ZNF526: variants seen among roughly 807,000 people sequenced by gnomAD.
ZNF526 encodes the protein zinc finger protein 526.
Under a neutral mutation model 32.4 loss-of-function variants are expected in ZNF526, and 16 were observed. That is an observed-to-expected ratio of 0.49 (90% CI 0.33 to 0.75). The LOEUF is 0.75. Ranked by LOEUF, ZNF526 falls within the 30% of genes least tolerant of loss-of-function variation. The pLI is 0.02. For missense variants in ZNF526, 838 were observed against 920.7 expected (o/e 0.91, Z 1.16); for synonymous variants, 355 against 363.4 (o/e 0.98, Z 0.26).
rs530855223 is a variant in ZNF526, at chr19:42,226,252, C to G, written c.1849C>G (p.Pro617Ala). Residue 617 changes from proline to alanine, a missense_variant, in exon 3 of 3, where the codon CCA becomes GCA. Physicochemically the swap from Pro to Ala is conservative, Grantham distance 27. Transcript: ENST00000301215. Reference sequence around the variant, plus strand: ...ACCATCTCCTGCCCCACCCCCACCTCCAGAGCCTCAACAGACTATCATGTG... The same window carrying G: ...ACCATCTCCTGCCCCACCCCCACCTGCAGAGCCTCAACAGACTATCATGTG... ...RSPSPAPPPP[P>A]EPQQTIMCTE... The G allele has an allele frequency of 1.2e-6, 2 of 1,613,818 alleles. No individual in the cohort carries two copies. Among genetic ancestry groups the G allele is most frequent in the Admixed American group, 1.7e-5 (1 of 60,030 alleles).
chr19:42,220,791 A>C (rs1019621782), intron 1 of ZNF526, among the ~76,000 whole-genome samples: 1 of 152,204 alleles, frequency 6.6e-6, no homozygotes, highest in African/African-American at 2.4e-5. Context: ...GTAGACGAGG[A>C]AAGGGCAAAT....
rs1259158568 is a variant in ZNF526 at position 42,226,506 on chromosome 19, C to G, written c.*90C>G. ...AGAGGACCTCCTCTGACAAACTGGT[C>G]TGGTACCCACCATGTGCCAGGATCC... On this transcript the variant is annotated 3_prime_UTR_variant, in exon 3 of 3. Coordinates refer to ENST00000301215, the MANE Select transcript of ZNF526 (RefSeq NM_133444.3). 6.4e-7 allele frequency: 1 copy of G among 1,573,834 alleles called. No individual in the cohort carries two copies. The highest frequency in any genetic ancestry group is 1.3e-5 in the African/African-American group (1 of 74,176).
chr19:42,224,279 G>A lies in ZNF526; in HGVS notation c.-44G>A. ...CACGGAAGACTGAAGCAGAAACAGT[G>A]GATTAAGACTTCCTGAGCGATAGCT... On this transcript the variant is annotated 5_prime_UTR_variant, in exon 2 of 3. Coordinates refer to ENST00000301215, the MANE Select transcript of ZNF526 (RefSeq NM_133444.3). The A allele has an allele frequency of 1.2e-6, 1 of 819,238 alleles. No homozygotes were observed. Among genetic ancestry groups the A allele is most frequent in the South Asian group, 1.4e-5 (1 of 69,642 alleles). The allele number at this position is 819,238 out of a possible 1,614,324, so 50.7% of individuals were successfully genotyped here.
chr19:42,225,874 C>G lies in ZNF526; in HGVS notation c.1471C>G (p.Leu491Val), dbSNP rs766919247. Reference sequence around the variant, plus strand: ...GAAGCTGATCCACGTGCGCAACCACCTGCGGACACACACGGGTGAGAGGCC... The same window carrying G: ...GAAGCTGATCCACGTGCGCAACCACGTGCGGACACACACGGGTGAGAGGCC... ...FKKLIHVRNH[L>V]RTHTGERPFQ... The change falls in exon 3 of 3, where the codon CTG becomes GTG. Residue 491 changes from leucine to valine, a missense_variant. Physicochemically the swap from Leu to Val is conservative, Grantham distance 32. Transcript: ENST00000301215. The G allele has an allele frequency of 5.6e-6, 9 of 1,614,102 alleles. No homozygotes were observed. Among genetic ancestry groups the G allele is most frequent in the Non-Finnish European group, 7.6e-6 (9 of 1,180,056 alleles).
At position 42,226,314 on chromosome 19, in the gene ZNF526, A is replaced by G; in HGVS notation, c.1911A>G (p.Thr637=). 1 of 1,614,120 alleles carries G rather than the reference A, an allele frequency of 6.2e-7. No homozygotes were observed. The highest frequency in any genetic ancestry group is 8.5e-7 in the Non-Finnish European group (1 of 1,180,022). ...ELGETIAIIE[T]SQPLALEDTL... ...GGGAGACCATCGCCATCATTGAGACATCCCAGCCACTGGCGCTTGAGGACA... is the reference window on the plus strand; with the variant it reads ...GGGAGACCATCGCCATCATTGAGACGTCCCAGCCACTGGCGCTTGAGGACA... The change falls in exon 3 of 3, where the codon ACA becomes ACG. Residue 637 remains threonine, a synonymous_variant. Coordinates refer to ENST00000301215, the MANE Select transcript of ZNF526 (RefSeq NM_133444.3).
Position 42,225,780 on chromosome 19 carries a change from G to A in ZNF526, c.1377G>A (p.Arg459=). 6.2e-7 allele frequency: 1 copy of A among 1,613,162 alleles called. No homozygotes were observed. Among genetic ancestry groups the A allele is most frequent in the Non-Finnish European group, 8.5e-7 (1 of 1,179,902 alleles). The change falls in exon 3 of 3, where the codon CGG becomes CGA. Residue 459 remains arginine, a synonymous_variant. Coordinates refer to ENST00000301215, the MANE Select transcript of ZNF526 (RefSeq NM_133444.3). Reference sequence around the variant, plus strand: ...TTGCCTCAGCTTCCCGGCTGTCCCGGCACCGGCGTGCAGTACACGGGCCCC... The same window carrying A: ...TTGCCTCAGCTTCCCGGCTGTCCCGACACCGGCGTGCAGTACACGGGCCCC... The part of the protein sequence containing the change: ...KSFASASRLS[R]HRRAVHGPPE...
Position 42,225,576 on chromosome 19 carries a change from T to C in ZNF526, c.1173T>C (p.Arg391=). The C allele has an allele frequency of 6.2e-7, 1 of 1,608,830 alleles. No homozygotes were observed. The highest frequency in any genetic ancestry group is 8.5e-7 in the Non-Finnish European group (1 of 1,175,914). Residue 391 remains arginine, a synonymous_variant, in exon 3 of 3, where the codon CGT becomes CGC. Transcript: ENST00000301215. ...AHTANPLHRC[R]CGKTFSNMTK... Reference sequence around the variant, plus strand: ...CTGCCAACCCATTGCATCGCTGTCGTTGCGGCAAGACGTTCAGCAACATGA... The same window carrying C: ...CTGCCAACCCATTGCATCGCTGTCGCTGCGGCAAGACGTTCAGCAACATGA...
In ZNF526 at chr19:42,225,546, C is replaced by T; in HGVS notation, c.1143C>T (p.Ala381=). 2 of 1,611,178 alleles carry T rather than the reference C, an allele frequency of 1.2e-6. No homozygotes were observed. The highest frequency in any genetic ancestry group is 1.7e-6 in the Non-Finnish European group (2 of 1,177,708). ...TCACGTTGGTGGCTCACCGGCGGGC[C>T]CACACTGCCAACCCATTGCATCGCT... ...TELTLVAHRR[A]HTANPLHRCR... The change falls in exon 3 of 3, where the codon GCC becomes GCT. Residue 381 remains alanine, a synonymous_variant. Transcript: ENST00000301215.
Position 42,226,550 on chromosome 19 carries a change from C to A in ZNF526, c.*134C>A. ...AGGATCCACCCTGGCCTCTTTTTACCCACTGACTCCCCAGAACAACCCTTC... is the reference window on the plus strand; with the variant it reads ...AGGATCCACCCTGGCCTCTTTTTACACACTGACTCCCCAGAACAACCCTTC... On this transcript the variant is annotated 3_prime_UTR_variant, in exon 3 of 3. Coordinates refer to ENST00000301215, the MANE Select transcript of ZNF526 (RefSeq NM_133444.3). 2.6e-6 allele frequency: 3 copies of A among 1,172,506 alleles called. No individual in the cohort carries two copies. Among genetic ancestry groups the A allele is most frequent in the Non-Finnish European group, 3.8e-6 (3 of 796,560 alleles). The allele number at this position is 1,172,506 out of a possible 1,614,324, so 72.6% of individuals were successfully genotyped here. A position where few individuals can be genotyped will look rare whatever the true frequency, so the allele number is the denominator to read the frequency against.
Position 42,224,376 on chromosome 19 carries a change from T to G in ZNF526, c.-17-11T>G, listed in dbSNP as rs1462248528. The G allele has an allele frequency of 6.2e-7, 1 of 1,610,070 alleles. No homozygotes were observed. The highest frequency in any genetic ancestry group is 8.5e-7 in the Non-Finnish European group (1 of 1,176,624). On this transcript the variant is annotated splice_polypyrimidine_tract_variant and intron_variant, in intron 2 of 2. Coordinates refer to ENST00000301215, the MANE Select transcript of ZNF526 (RefSeq NM_133444.3). ...CTGCTGTCTCACTGGCTCCTGCCCC[T>G]CTTTCTCCAGGCACTGCCTTCCCCA...
rs1568463557 is a variant in ZNF526 at position 42,227,391 on chromosome 19, C to T, written c.*975C>T. 6.0e-6 allele frequency: 1 copy of T among 167,192 alleles called. No individual in the cohort carries two copies. Among genetic ancestry groups the T allele is most frequent in the East Asian group, 1.9e-4 (1 of 5,208 alleles). The allele number at this position is 167,192 out of a possible 1,614,324, so 10.4% of individuals were successfully genotyped here. On this transcript the variant is annotated 3_prime_UTR_variant, in exon 3 of 3. Coordinates refer to ENST00000301215, the MANE Select transcript of ZNF526 (RefSeq NM_133444.3). ...CTGCCTACCTGAGGCAAGCACCACA[C>T]TTACCACTGTATGTGTACTATGATC...
At position 42,225,659 on chromosome 19, in the gene ZNF526, G is replaced by A; in HGVS notation, c.1256G>A (p.Gly419Glu). ...HAGKSGAPPT[G>E]ATAPPAPAEP... ...GGCAAAAGCGGGGCACCTCCCACAG[G>A]AGCAACAGCTCCCCCAGCTCCAGCG... Residue 419 changes from glycine to glutamate, a missense_variant, in exon 3 of 3, where the codon GGA becomes GAA. Gly to Glu is a moderately conservative substitution (Grantham distance 98). Coordinates refer to ENST00000301215, the MANE Select transcript of ZNF526 (RefSeq NM_133444.3). 6.2e-7 allele frequency: 1 copy of A among 1,613,418 alleles called. No homozygotes were observed. Among genetic ancestry groups the A allele is most frequent in the Non-Finnish European group, 8.5e-7 (1 of 1,179,746 alleles).
rs35211089 is a variant in ZNF526, at chr19:42,223,974, A to AATATATATAT, written c.-108-221_-108-212dup. 1.2e-3 allele frequency among the ~76,000 whole-genome samples: 128 copies of AATATATATAT among 110,610 alleles called. 2 individuals carry two copies. Among genetic ancestry groups the AATATATATAT allele is most frequent in the Middle Eastern group, 4.9e-3 (1 of 206 alleles). The allele number at this position is 110,610 out of a possible 152,430, so 72.6% of individuals were successfully genotyped here. A position where few individuals can be genotyped will look rare whatever the true frequency, so the allele number is the denominator to read the frequency against. On this transcript the variant is annotated intron_variant, in intron 1 of 2. Transcript: ENST00000301215. ...CATGGTGAAACCTTGTCTCTACTAA[A>AATATATATAT]ATATATATATATATATATATATATA...
At chr19:42,220,671 T>C (rs1283253918) in intron 1 of ZNF526, 1 of 152,132 alleles carries the variant, frequency 6.6e-6, no homozygotes, top group Non-Finnish European at 1.5e-5. Context: ...GAAAGTTGAA[T>C]TTCCAGGGCC....
In ZNF526 at chr19:42,225,266, G is replaced by A. The variant is rs745655807; in HGVS notation, c.863G>A (p.Arg288His). 33 of 1,613,346 alleles carry A rather than the reference G, an allele frequency of 2.0e-5. No homozygotes were observed. Among genetic ancestry groups the A allele is most frequent in the Admixed American group, 3.3e-5 (2 of 59,980 alleles). The change falls in exon 3 of 3, where the codon CGC (arginine) becomes CAC (histidine). Residue 288 changes from arginine to histidine, a missense_variant. Arg to His is a conservative substitution (Grantham distance 29). Coordinates refer to ENST00000301215, the MANE Select transcript of ZNF526 (RefSeq NM_133444.3). Reference sequence around the variant, plus strand: ...CAGCACCAGCCCTCAGCAGGGGCTCGCCGGCAACACCGGCGGACGGCTCAC... The same window carrying A: ...CAGCACCAGCCCTCAGCAGGGGCTCACCGGCAACACCGGCGGACGGCTCAC... ...CPQHQPSAGA[R>H]RQHRRTAHSP... is the part of the protein sequence containing the mutation.
In ZNF526 at chr19:42,226,489, T is replaced by A; in HGVS notation, c.*73T>A. ...TGGGTACCTCTGGGGAGAGAGGACC[T>A]CCTCTGACAAACTGGTCTGGTACCC... On this transcript the variant is annotated 3_prime_UTR_variant, in exon 3 of 3. Coordinates refer to ENST00000301215, the MANE Select transcript of ZNF526 (RefSeq NM_133444.3). 1 of 1,604,510 alleles carries A rather than the reference T, an allele frequency of 6.2e-7. No individual in the cohort carries two copies. The highest frequency in any genetic ancestry group is 8.5e-7 in the Non-Finnish European group (1 of 1,172,638).
Position 42,225,836 on chromosome 19 carries a change from G to A in ZNF526, c.1433G>A (p.Gly478Asp). The A allele has an allele frequency of 6.2e-7, 1 of 1,614,094 alleles. No individual in the cohort carries two copies. The highest frequency in any genetic ancestry group is 8.5e-7 in the Non-Finnish European group (1 of 1,180,034). ...CGGCGTCACCGCTGTGGGGTTTGTGGCAAGGGCTTCAAGAAGCTGATCCAC... is the reference window on the plus strand; with the variant it reads ...CGGCGTCACCGCTGTGGGGTTTGTGACAAGGGCTTCAAGAAGCTGATCCAC... ...PERRHRCGVC[G>D]KGFKKLIHVR... Residue 478 changes from glycine to aspartate, a missense_variant, in exon 3 of 3, where the codon GGC becomes GAC. Transcript: ENST00000301215.
chr19:42,224,864 T>C lies in ZNF526; in HGVS notation c.461T>C (p.Leu154Pro). Residue 154 changes from leucine (L) to proline (P), a missense_variant, in exon 3 of 3, where the codon CTG becomes CCG. Coordinates refer to ENST00000301215, the MANE Select transcript of ZNF526 (RefSeq NM_133444.3). Reference sequence around the variant, plus strand: ...CAGGAGCTGTTCCCCTCGCCCGAGCTGTGGGTGGCTCATCGAAAGGCCCAG... The same window carrying C: ...CAGGAGCTGTTCCCCTCGCCCGAGCCGTGGGTGGCTCATCGAAAGGCCCAG... ...DCQELFPSPELWVAHRKAQHL... is the reference protein window; with the variant it reads ...DCQELFPSPEPWVAHRKAQHL... The C allele has an allele frequency of 1.2e-6, 2 of 1,613,834 alleles. No individual in the cohort carries two copies. The highest frequency in any genetic ancestry group is 1.7e-6 in the Non-Finnish European group (2 of 1,180,016).
In ZNF526 at chr19:42,226,513, C is replaced by T. The variant is rs2036183637; in HGVS notation, c.*97C>T. 28 of 1,545,918 alleles carry T rather than the reference C, an allele frequency of 1.8e-5. No homozygotes were observed. Among genetic ancestry groups the T allele is most frequent in the Non-Finnish European group, 2.3e-5 (26 of 1,122,136 alleles). ...CTCCTCTGACAAACTGGTCTGGTAC[C>T]CACCATGTGCCAGGATCCACCCTGG... is the stretch of plus-strand genomic sequence containing the variant. On this transcript the variant is annotated 3_prime_UTR_variant, in exon 3 of 3. Coordinates refer to ENST00000301215, the MANE Select transcript of ZNF526 (RefSeq NM_133444.3).
Sources: allele counts gnomAD v4.1 joint callset (sites outside exome capture counted in the v4.1 genomes callset), GRCh38; gene constraint gnomAD v4.1.1; transcripts MANE v1.5; gene names NCBI Gene and HGNC (gene_info 2026-07-23, HGNC 2026-07-21).